Variants in PCLO observed in about 807,000 individuals in gnomAD.
The protein encoded by PCLO is protein piccolo.
In PCLO, 82 loss-of-function variants were observed where a neutral mutation model predicts 427.5. The ratio of observed to expected loss-of-function variants is 0.19; its 90% CI spans 0.16 to 0.23. PCLO has a LOEUF of 0.23. Ranked by LOEUF, PCLO falls within the 10% of genes least tolerant of loss-of-function variation. The pLI is 1.00. For missense variants in PCLO, 6,239 were observed against 6,115.9 expected, an observed-to-expected ratio of 1.02 and a Z score of -0.67; for synonymous variants, 2,357 against 2,155.4, an observed-to-expected ratio of 1.09 and a Z score of -2.59.
At chr7:83,117,151 A>G (rs1363721068) in intron 3 of PCLO, among the ~76,000 whole-genome samples, 3 of 152,174 alleles carry the variant, frequency 2.0e-5, no homozygotes, top group African/African-American at 7.2e-5. Context: ...TGTAGCAATC[A>G]CTACTAGCCC....
intron 22 of PCLO, among the ~76,000 whole-genome samples, chr7:82,788,004 C>A (rs1791018609): frequency 6.6e-6 from 1 of 151,770 alleles, no homozygotes; most frequent in Admixed American, 6.6e-5. Context: ...TATAAACTAC[C>A]TTTTCCACCA....
intron 10 of PCLO, among the ~76,000 whole-genome samples, chr7:82,861,557 C>T (rs1206666565): frequency 6.6e-6 from 1 of 151,946 alleles, no homozygotes; most frequent in Non-Finnish European, 1.5e-5. Context: ...TAGCTGGAGA[C>T]TTCAAAACCC....
intron 3 of PCLO, among the ~76,000 whole-genome samples, chr7:82,969,229 G>A (rs899900608): frequency 6.6e-6 from 1 of 152,008 alleles, no homozygotes. Flanking sequence ...GAGGATAAAA[G>A]GTATCATCTA....
intron 15 of PCLO, among the ~76,000 whole-genome samples, chr7:82,836,307 C>A (rs1252717678): frequency 6.6e-6 from 1 of 152,008 alleles, no homozygotes; most frequent in Non-Finnish European, 1.5e-5. Flanking sequence ...CAGACAAATC[C>A]TTGGCAGTGA....
intron 20 of PCLO, among the ~76,000 whole-genome samples, chr7:82,819,918 C>T (rs1160287201): frequency 2.0e-5 from 3 of 152,018 alleles, no homozygotes; most frequent in South Asian, 4.1e-4. Context: ...TAGTACTATC[C>T]TATTTTAAAA....
At chr7:82,931,905 T>C (rs1562865381) in intron 6 of PCLO, among the ~76,000 whole-genome samples, 2 of 152,112 alleles carry the variant, frequency 1.3e-5, no homozygotes, top group Non-Finnish European at 2.9e-5. Context: ...AGAAGCTGTC[T>C]ACAATGTAAC....
At chr7:83,097,008 A>ATATATAT (rs1449141617) in intron 3 of PCLO, among the ~76,000 whole-genome samples, 2 of 25,160 alleles carry the variant, frequency 7.9e-5, no homozygotes, top group Non-Finnish European at 1.2e-4. Context: ...TATATAAATA[A>ATATATAT]TATATATTAT....
intron 10 of PCLO, among the ~76,000 whole-genome samples, chr7:82,871,097 C>A (rs375780054): frequency 1.9e-4 from 29 of 151,886 alleles, no homozygotes; most frequent in African/African-American, 7.0e-4. Context: ...ATACACTGAT[C>A]CCACTGCTAG....
rs762009956 is a variant in PCLO at position 82,827,892 on chromosome 7, T to C, written c.14324A>G (p.Lys4775Arg). ...ACATACCTGTTCCATGGAAATACTT[T>C]TATAAATTACTGTTTGATTCCACTC... ...NPEWNQTVIYKSISMEQLKKK... is the reference protein window; with the variant it reads ...NPEWNQTVIYRSISMEQLKKK... Residue 4775 changes from lysine (K) to arginine (R), a missense_variant, in exon 17 of 25, where the codon AAA becomes AGA. Lys to Arg is a conservative substitution (Grantham distance 26). Transcript: ENST00000333891. 2.5e-6 allele frequency: 4 copies of C among 1,585,266 alleles called. No homozygotes were observed. Among genetic ancestry groups the C allele is most frequent in the South Asian group, 1.1e-5 (1 of 89,760 alleles).
At chr7:82,817,030 T>C (rs1335445066) in intron 20 of PCLO, among the ~76,000 whole-genome samples, 1 of 152,156 alleles carries the variant, frequency 6.6e-6, no homozygotes, top group Non-Finnish European at 1.5e-5. Flanking sequence ...TAGTCAATCA[T>C]TCCAAGAAAA....
chr7:82,956,141 T>C lies in PCLO; in HGVS notation c.4812A>G (p.Thr1604=). 2 of 1,608,824 alleles carry C rather than the reference T, an allele frequency of 1.2e-6. No individual in the cohort carries two copies. The highest frequency in any genetic ancestry group is 1.7e-6 in the Non-Finnish European group (2 of 1,179,844). Residue 1604 remains threonine, a synonymous_variant, in exon 5 of 25, where the codon ACA becomes ACG. Transcript: ENST00000333891. The part of the protein sequence containing the change: ...KEETKGKGKI[T]AGKHRRLTRK... Reference sequence around the variant, plus strand: ...GAGTCAGTCGTCTGTGTTTCCCTGCTGTTATTTTGCCTTTTCCCTTTGTTT... The same window carrying C: ...GAGTCAGTCGTCTGTGTTTCCCTGCCGTTATTTTGCCTTTTCCCTTTGTTT...
intron 3 of PCLO, among the ~76,000 whole-genome samples, chr7:82,969,764 A>G (rs191093727): frequency 2.0e-5 from 3 of 152,242 alleles, no homozygotes; most frequent in Non-Finnish European, 4.4e-5. Flanking sequence ...AAGTAGAAGA[A>G]ATAAAGCATG....
intron 3 of PCLO, among the ~76,000 whole-genome samples, chr7:82,981,600 A>C (rs28630598): frequency 0.074 from 11,198 of 152,036 alleles, 1,401 homozygotes; most frequent in African/African-American, 0.26. Context: ...CTTAATCCTT[A>C]ATTTTGTTTC....
chr7:83,013,587 A>G (rs958654049), intron 3 of PCLO, among the ~76,000 whole-genome samples: 7 of 152,202 alleles, frequency 4.6e-5, no homozygotes, highest in African/African-American at 1.7e-4. Flanking sequence ...CAGAGATGCC[A>G]ATCTAAATAA....
intron 22 of PCLO, among the ~76,000 whole-genome samples, chr7:82,792,144 G>A (rs1051191490): frequency 2.0e-5 from 3 of 151,946 alleles, no homozygotes; most frequent in Non-Finnish European, 4.4e-5. Flanking sequence ...CAGATAAAAA[G>A]AGTACTTAAT....
intron 3 of PCLO, among the ~76,000 whole-genome samples, chr7:83,117,507 T>G (rs1486284415): frequency 2.6e-5 from 4 of 152,206 alleles, no homozygotes; most frequent in Non-Finnish European, 5.9e-5. Flanking sequence ...TTCTCAAGCA[T>G]GTGTTTGCAA....
chr7:82,809,551 T>G (rs906611220), intron 20 of PCLO, among the ~76,000 whole-genome samples: 1 of 151,560 alleles, frequency 6.6e-6, no homozygotes, highest in Non-Finnish European at 1.5e-5. Context: ...CTTGGTAACT[T>G]CCTTAAAAGC....
chr7:82,915,582 C>A lies in PCLO; in HGVS notation c.12404G>T (p.Gly4135Val). ...AGCAAGGTGATCTAAGCTCTCTGTC[C>A]CTCTACGAAATTCCTGTTTAATCTG... ...KHQIKQEFRR[G>V]TESLDHLAGL... Residue 4135 changes from glycine to valine, a missense_variant, in exon 7 of 25, where the codon GGG becomes GTG. Transcript: ENST00000333891. The A allele has an allele frequency of 1.2e-6, 2 of 1,613,446 alleles. No homozygotes were observed. The highest frequency in any genetic ancestry group is 1.7e-6 in the Non-Finnish European group (2 of 1,179,642).
Position 82,954,984 on chromosome 7 carries a change from T to G in PCLO, c.5969A>C (p.Glu1990Ala). Residue 1990 changes from glutamate to alanine, a missense_variant, in exon 5 of 25, where the codon GAG becomes GCG. Glu to Ala is a moderately radical substitution (Grantham distance 107). Coordinates refer to ENST00000333891, the MANE Select transcript of PCLO (RefSeq NM_033026.6). Reference sequence around the variant, plus strand: ...CTGTTCTGAAAGTCTTATCTTTTGCTCTCTTCCTTTCTGCTGCATAAATCC... The same window carrying G: ...CTGTTCTGAAAGTCTTATCTTTTGCGCTCTTCCTTTCTGCTGCATAAATCC... Reference protein sequence around the residue: ...ENGFMQQKGREQKIRLSEQIY... With the variant: ...ENGFMQQKGRAQKIRLSEQIY... 6.2e-7 allele frequency: 1 copy of G among 1,613,844 alleles called. No homozygotes were observed. Among genetic ancestry groups the G allele is most frequent in the South Asian group, 1.1e-5 (1 of 91,082 alleles).
Sources: gnomAD v4.1 joint callset for allele counts (sites outside exome capture counted in the v4.1 genomes callset) on GRCh38, gnomAD v4.1.1 for gene constraint, MANE v1.5 for transcripts, NCBI Gene and HGNC (gene_info 2026-07-23, HGNC 2026-07-21) for gene names.